BIN2: variants seen among roughly 807,000 people sequenced by gnomAD.
BIN2 encodes the protein bridging integrator 2.
BIN2 carries 43 observed loss-of-function variants against 67.9 expected under a neutral mutation model. The observed-to-expected ratio is 0.63, with a 90% confidence interval of 0.50 to 0.82. BIN2 has a LOEUF of 0.82. BIN2 is among the 40% of genes least tolerant of loss of function. The pLI is 0.00. For missense variants in BIN2, 581 were observed against 671.6 expected (o/e 0.87, Z 1.49); for synonymous variants, 244 against 246.8 (o/e 0.99, Z 0.11).
chr12:51,289,004 TC>T (rs910918400), intron 10 of BIN2, among the ~76,000 whole-genome samples: 6 of 152,056 alleles, frequency 3.9e-5, no homozygotes, highest in African/African-American at 1.4e-4. Context: ...CACCTCAGCC[TC>T]CCGAAGTGCT....
chr12:51,315,032 T>G (rs1340934967), intron 1 of BIN2, among the ~76,000 whole-genome samples: 1 of 151,870 alleles, frequency 6.6e-6, no homozygotes, highest in Non-Finnish European at 1.5e-5. Context: ...TTTTAAAAAT[T>G]TTCTGTAGAG....
chr12:51,324,241 C>T, upstream of BIN2: 1 of 1,441,948 alleles, frequency 6.9e-7, no homozygotes, highest in South Asian at 1.4e-5. Context: ...CCTGGCCAGC[C>T]CTGAGGCCCG....
chr12:51,290,449 C>T (rs1486043218), intron 10 of BIN2, among the ~76,000 whole-genome samples: 2 of 151,926 alleles, frequency 1.3e-5, no homozygotes, highest in Non-Finnish European at 2.9e-5. Flanking sequence ...GTTCTTTATA[C>T]TAGGAACTCC....
intron 12 of BIN2, 85 bp from the exon 13 acceptor site, chr12:51,281,613 C>T: frequency 1.5e-6 from 2 of 1,370,076 alleles, no homozygotes; most frequent in Non-Finnish European, 2.1e-6. Context: ...TTTGCTTCTA[C>T]TGAATTATAC....
chr12:51,281,794 T>C (rs1277625625), intron 12 of BIN2, among the ~76,000 whole-genome samples: 1 of 152,024 alleles, frequency 6.6e-6, no homozygotes, highest in African/African-American at 2.4e-5. Flanking sequence ...TTGCTCTGTC[T>C]CCCAGGCTGG....
In BIN2 at chr12:51,291,883, T is replaced by G. The variant is rs1301092263; in HGVS notation, c.1223A>C (p.Gln408Pro). The change falls in exon 10 of 13, where the codon CAG (glutamine) becomes CCG (proline). Residue 408 changes from glutamine to proline, a missense_variant. Coordinates refer to ENST00000615107, the MANE Select transcript of BIN2 (RefSeq NM_016293.4). ...SEQPKKRASI[Q>P]RTSAPPSRPP... Reference sequence around the variant, plus strand: ...CCTACTAGGGGGTGCTGAGGTCCTCTGGATAGAGGCTCTCTTCTTTGGTTG... The same window carrying G: ...CCTACTAGGGGGTGCTGAGGTCCTCGGGATAGAGGCTCTCTTCTTTGGTTG... 4 of 1,614,052 alleles carry G rather than the reference T, an allele frequency of 2.5e-6. No individual in the cohort carries two copies. Among genetic ancestry groups the G allele is most frequent in the Non-Finnish European group, 3.4e-6 (4 of 1,180,024 alleles).
upstream of BIN2, chr12:51,324,298 C>T: frequency 7.2e-7 from 1 of 1,379,326 alleles, no homozygotes; most frequent in South Asian, 1.5e-5. Context: ...CTCGGAGGGG[C>T]GGGCCCGGGG....
intron 2 of BIN2, among the ~76,000 whole-genome samples, chr12:51,311,968 T>C (rs1016855321): frequency 1.3e-5 from 2 of 151,986 alleles, no homozygotes; most frequent in African/African-American, 4.8e-5. Flanking sequence ...GATGGGGTTT[T>C]ACCATGTTGG....
intron 5 of BIN2, among the ~76,000 whole-genome samples, chr12:51,300,174 G>A (rs555857722): frequency 1.3e-5 from 2 of 152,024 alleles, no homozygotes; most frequent in South Asian, 2.1e-4. Context: ...GCGCCCATGG[G>A]GTCTCCCTCA....
chr12:51,323,978 C>A (rs372862712), intron 1 of BIN2, 44 bp downstream of exon 1: 3 of 1,605,570 alleles, frequency 1.9e-6, no homozygotes, highest in East Asian at 2.3e-5. Flanking sequence ...GCCTCGGCCT[C>A]GGCTCCCTGT....
chr12:51,311,712 G>T (rs77958493), intron 2 of BIN2, among the ~76,000 whole-genome samples: 19,881 of 151,908 alleles, frequency 0.13, 1,435 homozygotes, highest in East Asian at 0.24. Flanking sequence ...ATATTTTGAG[G>T]TGTGATAATG....
At chr12:51,302,219 C>G in intron 4 of BIN2, 104 bp from the exon 5 acceptor site, 2 of 758,848 alleles carry the variant, frequency 2.6e-6, no homozygotes, top group Admixed American at 4.6e-5. Flanking sequence ...TTTGTAGCAC[C>G]GTATTTAGAA....
intron 7 of BIN2, 86 bp downstream of exon 7, chr12:51,299,117 C>A: frequency 3.5e-5 from 32 of 923,340 alleles, no homozygotes; most frequent in Non-Finnish European, 3.5e-5. Context: ...GAATTTAAAT[C>A]TAAAACACTT....
chr12:51,287,003 G>C (rs1326049202), intron 11 of BIN2, among the ~76,000 whole-genome samples: 2 of 151,858 alleles, frequency 1.3e-5, no homozygotes, highest in Non-Finnish European at 2.9e-5. Context: ...TGTATTTTTT[G>C]TAGAGATGGG....
rs755750201 is a variant in BIN2 at position 51,281,566 on chromosome 12, C to T, written c.1669-38G>A. The T allele has an allele frequency of 1.9e-6, 3 of 1,610,892 alleles. No homozygotes were observed. The South Asian group carries it at 3.3e-5, about 18-fold the overall frequency. On this transcript the variant is annotated intron_variant, in intron 12 of 12. Coordinates refer to ENST00000615107, the MANE Select transcript of BIN2 (RefSeq NM_016293.4). ...CATGATTGTGTTAGGTGTTGACCTGCCTTCCCACCAACCACTTATGGAGGG... is the reference window on the plus strand; with the variant it reads ...CATGATTGTGTTAGGTGTTGACCTGTCTTCCCACCAACCACTTATGGAGGG...
intron 1 of BIN2, among the ~76,000 whole-genome samples, chr12:51,314,780 C>T (rs61380773): frequency 0.11 from 16,320 of 148,638 alleles, 919 homozygotes; most frequent in African/African-American, 0.14. Flanking sequence ...GCCTGGACAA[C>T]AAGAGCGAAA....
intron 9 of BIN2, 61 bp downstream of exon 9, chr12:51,295,735 G>A (rs1263984025): frequency 6.5e-6 from 9 of 1,390,464 alleles, no homozygotes; most frequent in Non-Finnish European, 8.1e-6. Flanking sequence ...CTGGAGATGA[G>A]GATGTTGAAT....
At position 51,291,586 on chromosome 12, in the gene BIN2, C is replaced by T; in HGVS notation, c.1515+5G>A. 1.3e-6 allele frequency: 2 copies of T among 1,587,292 alleles called. No individual in the cohort carries two copies. The highest frequency in any genetic ancestry group is 1.7e-6 in the Non-Finnish European group (2 of 1,171,640). On this transcript the variant is annotated splice_donor_5th_base_variant and intron_variant, in intron 10 of 12. Coordinates refer to ENST00000615107, the MANE Select transcript of BIN2 (RefSeq NM_016293.4). ...AATTAAATACCCAACCAGAACTACT[C>T]TTACCTGAGATGTCATTAAGGTGGG... is the stretch of plus-strand genomic sequence containing the variant.
At chr12:51,293,663 A>C (rs897693700) in intron 9 of BIN2, among the ~76,000 whole-genome samples, 9 of 152,220 alleles carry the variant, frequency 5.9e-5, no homozygotes, top group African/African-American at 2.2e-4. Context: ...ACCCAATTGA[A>C]AAATGGGAAA....
Sources: allele counts gnomAD v4.1 joint callset (sites outside exome capture counted in the v4.1 genomes callset), GRCh38; gene constraint gnomAD v4.1.1; transcripts MANE v1.5; gene names NCBI Gene and HGNC (gene_info 2026-07-23, HGNC 2026-07-21).